SLC5A1: variants seen among roughly 807,000 people sequenced by gnomAD.
The protein encoded by SLC5A1 is sodium/glucose cotransporter 1.
Under a neutral mutation model 73.5 loss-of-function variants are expected in SLC5A1, and 42 were observed. The ratio of observed to expected loss-of-function variants is 0.57; its 90% CI spans 0.45 to 0.74. The LOEUF (loss-of-function observed/expected upper bound fraction) is 0.74, where lower values mean the gene tolerates loss of function less well. Among genes scored for constraint, SLC5A1 ranks in the 30% least tolerant of loss-of-function variants. The pLI, the probability that SLC5A1 is intolerant of heterozygous loss-of-function variation, is 0.00. For missense variants in SLC5A1, 634 were observed against 855.4 expected (o/e 0.74, Z 3.23); for synonymous variants, 300 against 317.4 (o/e 0.95, Z 0.58).
chr22:32,060,186 CAT>C (rs139595102), intron 2 of SLC5A1, among the ~76,000 whole-genome samples: 5,378 of 88,630 alleles, frequency 0.061, 151 homozygotes, highest in Middle Eastern at 0.074. Context: ...CACACACACA[CAT>C]ATATATATAT....
At chr22:32,089,019 T>A (rs117892528) in intron 10 of SLC5A1, among the ~76,000 whole-genome samples, 6,447 of 152,354 alleles carry the variant, frequency 0.042, 178 homozygotes, top group Middle Eastern at 0.065. Flanking sequence ...TGTAAAATTG[T>A]GTTCAGCAAA....
chr22:32,053,999 C>G (rs4821030), intron 2 of SLC5A1, among the ~76,000 whole-genome samples: 6 of 152,070 alleles, frequency 3.9e-5, no homozygotes, highest in Non-Finnish European at 8.8e-5. Context: ...ATGATGAAAC[C>G]CCGTCTCTAC....
At chr22:32,104,707 A>C (rs2094042032) in intron 13 of SLC5A1, 79 bp from the exon 14 acceptor site, 1 of 1,036,522 alleles carries the variant, frequency 9.6e-7, no homozygotes, top group Admixed American at 1.9e-5. Context: ...TCCTTGATGC[A>C]TATCTCTTTG....
intron 14 of SLC5A1, among the ~76,000 whole-genome samples, chr22:32,108,360 C>G (rs1032346334): frequency 6.6e-6 from 1 of 152,140 alleles, no homozygotes; most frequent in Non-Finnish European, 1.5e-5. Context: ...GTTGGCCTCC[C>G]AAAGTGTTGG....
At chr22:32,068,315 T>C (rs1264473176) in intron 4 of SLC5A1, among the ~76,000 whole-genome samples, 181 bp from the exon 5 acceptor site, 2 of 152,152 alleles carry the variant, frequency 1.3e-5, no homozygotes, top group Non-Finnish European at 2.9e-5. Flanking sequence ...GGGATTAAAA[T>C]GAGCAAATGG....
At chr22:32,046,369 CT>C (rs130263) in intron 1 of SLC5A1, among the ~76,000 whole-genome samples, 69 of 145,334 alleles carry the variant, frequency 4.7e-4, no homozygotes, top group South Asian at 6.6e-4. Context: ...TTCCTTTGCT[CT>C]TTTTTTTTTT....
intron 10 of SLC5A1, among the ~76,000 whole-genome samples, chr22:32,089,830 G>T (rs559592339): frequency 6.6e-6 from 1 of 152,170 alleles, no homozygotes; most frequent in African/African-American, 2.4e-5. Context: ...ACTCTTGTTA[G>T]TGGGTCCTCA....
Position 32,104,858 on chromosome 22 carries a change from A to C in SLC5A1, c.1738A>C (p.Ile580Leu). The C allele has an allele frequency of 1.2e-6, 2 of 1,614,162 alleles. No individual in the cohort carries two copies. The highest frequency in any genetic ancestry group is 2.7e-5 in the African/African-American group (2 of 75,058). ...TGACCTGGATGCGGAAGAGGAGAAC[A>C]TCCAAGAAGGCCCTAAGGAGACCAT... Reference protein sequence around the residue: ...RIDLDAEEENIQEGPKETIEI... With the variant: ...RIDLDAEEENLQEGPKETIEI... Residue 580 changes from isoleucine to leucine, a missense_variant, in exon 14 of 15, where the codon ATC (isoleucine) becomes CTC (leucine). By Grantham distance (5) the Ile-to-Leu change is conservative (BLOSUM62 2). This residue lies in a region of SLC5A1 where 161 missense variants were observed against 178.7 expected (regional missense o/e 0.90). Coordinates refer to ENST00000266088, the MANE Select transcript of SLC5A1 (RefSeq NM_000343.4).
At chr22:32,090,196 G>T (rs1314717637) in intron 10 of SLC5A1, among the ~76,000 whole-genome samples, 1 of 151,306 alleles carries the variant, frequency 6.6e-6, no homozygotes, top group Non-Finnish European at 1.5e-5. Context: ...GGTTTTTTAA[G>T]TATATTCACA....
intron 5 of SLC5A1, among the ~76,000 whole-genome samples, chr22:32,080,791 C>T (rs1421225183): frequency 1.3e-5 from 2 of 152,074 alleles, no homozygotes; most frequent in Non-Finnish European, 1.5e-5. Flanking sequence ...GTCAGGAGTT[C>T]GAGACCAGCC....
intron 12 of SLC5A1, among the ~76,000 whole-genome samples, 157 bp from the exon 13 acceptor site, chr22:32,101,865 A>G (rs1258256578): frequency 6.6e-6 from 1 of 152,170 alleles, no homozygotes; most frequent in African/African-American, 2.4e-5. Flanking sequence ...ACTCCTAGCC[A>G]TATTCTGAAC....
At position 32,070,245 on chromosome 22, in the gene SLC5A1, TCCCCTCCCCTC is replaced by T. The variant is rs1198105014; in HGVS notation, c.477+1660_477+1670del. ...CCTCCCCTCCCCCCTCCCCTCCCCC[TCCCCTCCCCTC>T]CCCCTCCCCTCCCCGTCCCCCCTCC... On this transcript the variant is annotated intron_variant, in intron 5 of 14. Transcript: ENST00000266088. 1.4e-3 allele frequency among the ~76,000 whole-genome samples: 9 copies of T among 6,526 alleles called. 1 individual carries two copies. In the East Asian group the frequency reaches 0.056, roughly 40 times the overall value. 4.3% of individuals were successfully genotyped at this position (6,526 alleles called of 152,430 possible). A position where few individuals can be genotyped will look rare whatever the true frequency, so the allele number is the denominator to read the frequency against.
chr22:32,087,499 A>T (rs2094010136), intron 10 of SLC5A1, among the ~76,000 whole-genome samples: 1 of 152,190 alleles, frequency 6.6e-6, no homozygotes, highest in Non-Finnish European at 1.5e-5. Context: ...CACATGGGGA[A>T]AGAGGCAAGA....
intron 5 of SLC5A1, among the ~76,000 whole-genome samples, chr22:32,077,322 C>T (rs115026730): frequency 6.7e-6 from 1 of 149,404 alleles, no homozygotes; most frequent in Admixed American, 6.7e-5. Context: ...TTCCCTCCCC[C>T]TTCCTCTCTC....
chr22:32,102,328 A>C (rs2094038068), intron 13 of SLC5A1, 91 bp downstream of exon 13: 1 of 904,974 alleles, frequency 1.1e-6, no homozygotes, highest in South Asian at 1.3e-5. Context: ...TTATGGGTAC[A>C]TAATAGTTGT....
intron 14 of SLC5A1, among the ~76,000 whole-genome samples, chr22:32,105,289 A>ATTTTT (rs750353760): frequency 1.6e-5 from 2 of 128,232 alleles, no homozygotes; most frequent in Admixed American, 7.6e-5. Flanking sequence ...TGCACTCTTA[A>ATTTTT]TTTTTTTTTT....
intron 14 of SLC5A1, 81 bp downstream of exon 14, chr22:32,104,972 A>C: frequency 9.7e-7 from 1 of 1,026,532 alleles, no homozygotes; most frequent in Non-Finnish European, 1.5e-6. Context: ...TCTTCCCTAA[A>C]TAATTTTATC....
In SLC5A1 at chr22:32,103,061, G is replaced by C. The variant is rs796313831; in HGVS notation, c.1665+824G>C. 6.6e-5 allele frequency among the ~76,000 whole-genome samples: 10 copies of C among 152,276 alleles called. No individual in the cohort carries two copies. In the East Asian group the frequency reaches 1.5e-3, roughly 23 times the overall value. On this transcript the variant is annotated intron_variant, in intron 13 of 14. Coordinates refer to ENST00000266088, the MANE Select transcript of SLC5A1 (RefSeq NM_000343.4). ...AATACAGGTATCTCTTTGATATACT[G>C]GTTTACTTTCTTTTGAATATATATC... is the stretch of plus-strand genomic sequence containing the variant.
intron 10 of SLC5A1, among the ~76,000 whole-genome samples, chr22:32,089,913 T>C (rs1488329566): frequency 6.6e-6 from 1 of 152,110 alleles, no homozygotes; most frequent in Non-Finnish European, 1.5e-5. Flanking sequence ...TAATAGAGAT[T>C]ATAGCCAACC....
Sources: allele counts gnomAD v4.1 joint callset (sites outside exome capture counted in the v4.1 genomes callset), GRCh38; gene constraint gnomAD v4.1.1; regional missense constraint gnomAD v4.1.1; transcripts MANE v1.5; gene names NCBI Gene and HGNC (gene_info 2026-07-23, HGNC 2026-07-21).